Variants in CUL1 observed in about 807,000 individuals in gnomAD.
CUL1 encodes cullin-1.
Under a neutral mutation model 118.0 loss-of-function variants are expected in CUL1, and 24 were observed. That is an observed-to-expected ratio of 0.20 (90% CI 0.15 to 0.29). The LOEUF (loss-of-function observed/expected upper bound fraction) is 0.29. Among genes scored for constraint, CUL1 ranks in the 10% least tolerant of loss-of-function variants. The pLI, the probability that CUL1 is intolerant of heterozygous loss-of-function variation, is 1.00. For missense variants in CUL1, 361 were observed against 933.8 expected (o/e 0.39, Z 7.99); for synonymous variants, 332 against 340.4 (o/e 0.98, Z 0.27).
intron 2 of CUL1, among the ~76,000 whole-genome samples, chr7:148,731,920 A>G (rs763544155): frequency 4.6e-5 from 7 of 152,332 alleles, no homozygotes; most frequent in South Asian, 2.1e-4. Context: ...CCATTGATCA[A>G]TGATGGACAT....
chr7:148,736,094 C>G (rs372734747), intron 2 of CUL1, among the ~76,000 whole-genome samples: 2 of 151,802 alleles, frequency 1.3e-5, no homozygotes, highest in Middle Eastern at 3.4e-3. Flanking sequence ...GAAACACTTG[C>G]GCCTGGGAGG....
chr7:148,791,636 C>CGA (rs1412843233), intron 16 of CUL1, among the ~76,000 whole-genome samples: 1 of 152,254 alleles, frequency 6.6e-6, no homozygotes, highest in African/African-American at 2.4e-5. Flanking sequence ...CACGCTCGTT[C>CGA]CCTTGTATCT....
chr7:148,707,615 A>T (rs1160798784), intron 1 of CUL1, among the ~76,000 whole-genome samples: 1 of 152,112 alleles, frequency 6.6e-6, no homozygotes, highest in Admixed American at 6.5e-5. Flanking sequence ...CCCTGCATAC[A>T]TTAGCTGTTT....
At chr7:148,767,420 A>G (rs1329228391) in intron 8 of CUL1, among the ~76,000 whole-genome samples, 199 bp from the exon 9 acceptor site, 1 of 152,064 alleles carries the variant, frequency 6.6e-6, no homozygotes, top group African/African-American at 2.4e-5. Context: ...AATAGTAACA[A>G]TTTCATTGTT....
At chr7:148,699,978 CATAAG>C (rs556532312) in intron 1 of CUL1, among the ~76,000 whole-genome samples, 22 of 152,270 alleles carry the variant, frequency 1.4e-4, no homozygotes, top group East Asian at 3.9e-4. Context: ...GTAGCGCAGA[CATAAG>C]ATAAGAAAGA....
intron 1 of CUL1, among the ~76,000 whole-genome samples, chr7:148,703,897 T>C (rs1797799798): frequency 6.6e-6 from 1 of 152,088 alleles, no homozygotes; most frequent in Admixed American, 6.6e-5. Context: ...GCTTTTAAAA[T>C]ATTTTTTCAA....
At chr7:148,773,611 T>C (rs1259661727) in intron 9 of CUL1, among the ~76,000 whole-genome samples, 1 of 152,190 alleles carries the variant, frequency 6.6e-6, no homozygotes, top group East Asian at 1.9e-4. Flanking sequence ...GAAGGCCGTC[T>C]GCTGCAGGGC....
At chr7:148,775,855 GAA>G (rs34474266) in intron 9 of CUL1, among the ~76,000 whole-genome samples, 7 of 132,386 alleles carry the variant, frequency 5.3e-5, no homozygotes, top group African/African-American at 2.0e-4. Context: ...AATACCACCA[GAA>G]AAAAAAAAAA....
At chr7:148,727,325 A>G (rs927967118) in intron 1 of CUL1, among the ~76,000 whole-genome samples, 3 of 152,254 alleles carry the variant, frequency 2.0e-5, no homozygotes, top group African/African-American at 7.2e-5. Flanking sequence ...AAGAAACGAG[A>G]TAGAATTTTG....
intron 2 of CUL1, among the ~76,000 whole-genome samples, chr7:148,737,594 A>G (rs190011446): frequency 2.7e-5 from 4 of 147,750 alleles, no homozygotes; most frequent in Non-Finnish European, 4.5e-5. Flanking sequence ...TTATTTATTT[A>G]TTTATTTATT....
At chr7:148,704,970 T>G (rs1319767680) in intron 1 of CUL1, among the ~76,000 whole-genome samples, 4 of 152,246 alleles carry the variant, frequency 2.6e-5, no homozygotes, top group Non-Finnish European at 5.9e-5. Flanking sequence ...CACTTAGTGT[T>G]TGCCGTACTG....
intron 9 of CUL1, among the ~76,000 whole-genome samples, chr7:148,772,267 T>A (rs1306665831): frequency 6.6e-6 from 1 of 151,974 alleles, no homozygotes; most frequent in East Asian, 1.9e-4. Flanking sequence ...ATACAAAAAT[T>A]AGCCGGGCGT....
chr7:148,739,993 C>T (rs1799089423), intron 2 of CUL1, among the ~76,000 whole-genome samples: 1 of 151,446 alleles, frequency 6.6e-6, no homozygotes, highest in African/African-American at 2.4e-5. Context: ...AATGGACTGT[C>T]AACTTCTTGT....
rs7793630 is a variant in CUL1, at chr7:148,700,262, C to G, written c.-162+1233C>G. On this transcript the variant is annotated intron_variant, in intron 1 of 21. Transcript: ENST00000325222. ...AAACGATCACACTTTTTGGAATGCA[C>G]TTAACGAAGCGGCAGAAGAGGAACT... Among the ~76,000 whole-genome samples, 996 of 152,260 alleles carry G rather than the reference C, an allele frequency of 6.5e-3. 13 individuals are homozygous for G. Among genetic ancestry groups the G allele is most frequent in the African/African-American group, 0.023 (955 of 41,554 alleles).
chr7:148,771,082 T>C (rs954759158), intron 9 of CUL1, among the ~76,000 whole-genome samples: 3 of 152,160 alleles, frequency 2.0e-5, no homozygotes, highest in Non-Finnish European at 4.4e-5. Context: ...ACTACCTAAG[T>C]GATTTTTTTT....
chr7:148,790,748 C>T (rs1267437518), intron 16 of CUL1, among the ~76,000 whole-genome samples: 2 of 152,208 alleles, frequency 1.3e-5, no homozygotes, highest in African/African-American at 4.8e-5. Context: ...TGGCACCGCT[C>T]CTGCCTGACA....
chr7:148,788,766 G>C, intron 14 of CUL1, 92 bp downstream of exon 14: 7 of 804,176 alleles, frequency 8.7e-6, no homozygotes, highest in Non-Finnish European at 1.4e-5. Flanking sequence ...AGATGGGAGG[G>C]GCTTTGTCAG....
intron 7 of CUL1, among the ~76,000 whole-genome samples, chr7:148,762,233 A>G (rs779006644): frequency 6.6e-6 from 1 of 152,216 alleles, no homozygotes; most frequent in East Asian, 1.9e-4. Context: ...TAGAAAGTCA[A>G]TTAAAAGCAA....
intron 2 of CUL1, among the ~76,000 whole-genome samples, chr7:148,734,914 C>CT (rs1271370255): frequency 1.3e-5 from 2 of 151,980 alleles, no homozygotes; most frequent in African/African-American, 4.8e-5. Flanking sequence ...ATGTTGATGT[C>CT]TTTTTTTTCT....
Sources: gnomAD v4.1 joint callset for allele counts (sites outside exome capture counted in the v4.1 genomes callset) on GRCh38, gnomAD v4.1.1 for gene constraint, MANE v1.5 for transcripts, NCBI Gene and HGNC (gene_info 2026-07-23, HGNC 2026-07-21) for gene names.